DTHD1: variants seen among roughly 807,000 people sequenced by gnomAD.
DTHD1 encodes death domain-containing protein 1.
Under a neutral mutation model 74.8 loss-of-function variants are expected in DTHD1, and 59 were observed. The ratio of observed to expected loss-of-function variants is 0.79; its 90% CI spans 0.64 to 0.98. The LOEUF is 0.98. Among genes scored for constraint, DTHD1 ranks in the 50% least tolerant of loss-of-function variants. The probability of loss-of-function intolerance (pLI) is 0.00; values close to 1 mark genes in which losing one functional copy is unlikely to be tolerated. For synonymous variants in DTHD1, 365 were observed against 371.1 expected (o/e 0.98, Z 0.19); for missense variants, 1,051 against 1,065.4 (o/e 0.99, Z 0.19).
chr4:36,321,347 T>C (rs1758027661), intron 8 of DTHD1, among the ~76,000 whole-genome samples: 1 of 152,200 alleles, frequency 6.6e-6, no homozygotes, highest in Non-Finnish European at 1.5e-5. Context: ...CCACTCTGCA[T>C]TGCTTGCATT....
intron 2 of DTHD1, among the ~76,000 whole-genome samples, chr4:36,286,891 T>C (rs1190049079): frequency 6.6e-6 from 1 of 152,256 alleles, no homozygotes; most frequent in East Asian, 1.9e-4. Flanking sequence ...ACCACCATTA[T>C]ATGTGCAGTC....
At chr4:36,338,273 A>C (rs552610429) in intron 8 of DTHD1, among the ~76,000 whole-genome samples, 41 of 152,316 alleles carry the variant, frequency 2.7e-4, no homozygotes, top group African/African-American at 7.2e-4. Context: ...AGGCCCTTGC[A>C]AATTGTCCCA....
chr4:36,342,382 T>C (rs1759361854), intron 9 of DTHD1, among the ~76,000 whole-genome samples: 1 of 152,290 alleles, frequency 6.6e-6, no homozygotes, highest in East Asian at 1.9e-4. Flanking sequence ...ATGGAATGCT[T>C]GCTTAACACC....
rs563618473 is a variant in DTHD1 at position 36,291,657 on chromosome 4, C to T, written c.1218+954C>T. The stretch of plus-strand genomic sequence containing the variant: ...CAGCCTGACTAACATGGAGAAACCC[C>T]GTCTCTACTAAAAATACAAAATTAG... On this transcript the variant is annotated intron_variant, in intron 3 of 9. Transcript: ENST00000639862. 8.5e-5 allele frequency among the ~76,000 whole-genome samples: 13 copies of T among 152,180 alleles called. No homozygotes were observed. In the East Asian group the frequency reaches 1.7e-3, roughly 20 times the overall value.
rs1441901710 is a variant in DTHD1, at chr4:36,343,702, C to T, written c.2599C>T (p.Arg867Cys). Reference sequence around the variant, plus strand: ...GCTTCCAACTTTCACCGACAAACTTCGCCTCCTGGCTCGACATCTCCGCAA... The same window carrying T: ...GCTTCCAACTTTCACCGACAAACTTTGCCTCCTGGCTCGACATCTCCGCAA... Reference protein sequence around the residue: ...KSLPTFTDKLRLLARHLRKIG... With the variant: ...KSLPTFTDKLCLLARHLRKIG... Residue 867 changes from arginine to cysteine, a missense_variant, in exon 10 of 10, where the codon CGC becomes TGC. By Grantham distance (180) the Arg-to-Cys change is radical. Transcript: ENST00000639862. The T allele has an allele frequency of 1.9e-6, 3 of 1,551,678 alleles. No individual in the cohort carries two copies. The highest frequency in any genetic ancestry group is 2.0e-5 in the Admixed American group (1 of 50,990).
chr4:36,289,688 A>T (rs986090925), intron 2 of DTHD1, among the ~76,000 whole-genome samples: 2 of 152,152 alleles, frequency 1.3e-5, no homozygotes, highest in African/African-American at 4.8e-5. Flanking sequence ...GTAAATAGTG[A>T]CTGATCTCAA....
chr4:36,284,315 A>T lies in DTHD1; in HGVS notation c.611A>T (p.Gln204Leu). 6.5e-7 allele frequency: 1 copy of T among 1,537,230 alleles called. No homozygotes were observed. Among genetic ancestry groups the T allele is most frequent in the Non-Finnish European group, 8.7e-7 (1 of 1,146,862 alleles). ...NTSLNGRVLG[Q>L]EESQNKMFPD... The stretch of plus-strand genomic sequence containing the variant: ...TCACTGAATGGACGTGTACTGGGGC[A>T]AGAAGAGTCACAGAATAAAATGTTC... Residue 204 changes from glutamine (Q) to leucine (L), a missense_variant, in exon 2 of 10, where the codon CAA (glutamine) becomes CTA (leucine). Transcript: ENST00000639862.
At chr4:36,319,627 A>G (rs925882071) in intron 8 of DTHD1, among the ~76,000 whole-genome samples, 6 of 152,244 alleles carry the variant, frequency 3.9e-5, no homozygotes, top group Non-Finnish European at 2.9e-5. Flanking sequence ...ATGGCAGACC[A>G]TGCAAAGAAA....
chr4:36,322,568 G>A (rs868808161), intron 8 of DTHD1, among the ~76,000 whole-genome samples: 2 of 151,962 alleles, frequency 1.3e-5, no homozygotes, highest in African/African-American at 2.4e-5. Flanking sequence ...ACTCCGAGAC[G>A]GGCACGCATT....
chr4:36,289,046 T>C (rs1003121533), intron 2 of DTHD1, among the ~76,000 whole-genome samples: 3 of 152,222 alleles, frequency 2.0e-5, no homozygotes, highest in African/African-American at 7.2e-5. Flanking sequence ...AATTTCTACA[T>C]ATTTTTTGGA....
intron 8 of DTHD1, among the ~76,000 whole-genome samples, chr4:36,332,187 A>AAAAATAAAATAAAATAAAAT (rs11269624): frequency 4.7e-4 from 65 of 139,750 alleles, no homozygotes; most frequent in Non-Finnish European, 6.5e-4. Context: ...CACTGTCTCA[A>AAAAATAAAATAAAATAAAAT]AAAATAAAAT....
chr4:36,343,154 G>A (rs1053814817), intron 9 of DTHD1, among the ~76,000 whole-genome samples: 1 of 152,040 alleles, frequency 6.6e-6, no homozygotes, highest in African/African-American at 2.4e-5. Flanking sequence ...GCATCTTCTG[G>A]GAGCTTGTTA....
chr4:36,326,077 A>G lies in DTHD1; in HGVS notation c.2340+9591A>G, dbSNP rs17518863. On this transcript the variant is annotated intron_variant, in intron 8 of 9. Transcript: ENST00000639862. The stretch of plus-strand genomic sequence containing the variant: ...AACCTTTTTATATTACATTTCCCCA[A>G]CTAACATATTTTGCTCCAGTTCTAC... 9.9e-3 allele frequency among the ~76,000 whole-genome samples: 1,507 copies of G among 152,080 alleles called. 7 individuals are homozygous for G. The highest frequency in any genetic ancestry group is 0.016 in the Non-Finnish European group (1,077 of 67,996).
Position 36,284,502 on chromosome 4 carries a change from AAT to A in DTHD1, c.801_802del (p.Ile267MetfsTer2). The A allele has an allele frequency of 6.5e-7, 1 of 1,536,816 alleles. No individual in the cohort carries two copies. Among genetic ancestry groups the A allele is most frequent in the Non-Finnish European group, 8.7e-7 (1 of 1,146,650 alleles). On this transcript the variant is annotated frameshift_variant, in exon 2 of 10. Transcript: ENST00000639862. LOFTEE classifies it high-confidence loss of function. The stretch of plus-strand genomic sequence containing the variant: ...GAGAAGAGATGACCACATCCTCAAT[AAT>A]ATGTGATATCTCCAAGAAATATATA... ...PREEMTTSSI[I>X]CDISKKYINS...
intron 6 of DTHD1, among the ~76,000 whole-genome samples, chr4:36,307,581 G>A (rs1203520660): frequency 6.6e-6 from 1 of 152,144 alleles, no homozygotes; most frequent in Non-Finnish European, 1.5e-5. Context: ...TGTGTGGGGA[G>A]GGTGAGACAC....
At chr4:36,341,215 C>CAG (rs1329605390) in intron 9 of DTHD1, among the ~76,000 whole-genome samples, 2 of 152,028 alleles carry the variant, frequency 1.3e-5, no homozygotes, top group African/African-American at 2.4e-5. Context: ...ACCACAATAG[C>CAG]TTGACACAGT....
chr4:36,330,127 T>G (rs1329378233), intron 8 of DTHD1, among the ~76,000 whole-genome samples: 1 of 152,198 alleles, frequency 6.6e-6, no homozygotes, highest in African/African-American at 2.4e-5. Flanking sequence ...TGCTTACTTT[T>G]AAAAGGAGGA....
intron 9 of DTHD1, among the ~76,000 whole-genome samples, chr4:36,339,986 A>T (rs1333153851): frequency 1.3e-5 from 2 of 152,254 alleles, no homozygotes; most frequent in Admixed American, 6.5e-5. Flanking sequence ...AATGCTGTTA[A>T]CCTTTGAAGA....
In DTHD1 at chr4:36,345,117, A is replaced by C. The variant is rs1339492691; in HGVS notation, c.*1293A>C. Reference sequence around the variant, plus strand: ...AATTCAAGGCCTATTTCTTCTACTTAGGAAGAAAACCTGCTTTAAAATTAG... The same window carrying C: ...AATTCAAGGCCTATTTCTTCTACTTCGGAAGAAAACCTGCTTTAAAATTAG... On this transcript the variant is annotated 3_prime_UTR_variant, in exon 10 of 10. Transcript: ENST00000639862. The C allele has an allele frequency of 1.3e-5, 2 of 152,224 alleles. No homozygotes were observed. The highest frequency in any genetic ancestry group is 2.9e-5 in the Non-Finnish European group (2 of 68,036). 9.4% of individuals were successfully genotyped at this position (152,224 alleles called of 1,614,324 possible).
Sources: gnomAD v4.1 joint callset for allele counts (sites outside exome capture counted in the v4.1 genomes callset) on GRCh38, gnomAD v4.1.1 for gene constraint, MANE v1.5 for transcripts, NCBI Gene and HGNC (gene_info 2026-07-23, HGNC 2026-07-21) for gene names.